The following RBFOX1 variants were observed in gnomAD, a reference collection of about 807,000 sequenced individuals.
The protein encoded by RBFOX1 is RNA binding protein fox-1 homolog 1.
RBFOX1 carries 8 observed loss-of-function variants against 57.7 expected under a neutral mutation model. The observed-to-expected ratio is 0.14, with a 90% CI of 0.08 to 0.25. The LOEUF is 0.25. Ranked by LOEUF, RBFOX1 falls within the 10% of genes least tolerant of loss-of-function variation. The pLI is 1.00. For synonymous variants in RBFOX1, 326 were observed against 222.4 expected, an observed-to-expected ratio of 1.47 and a Z score of -4.15; for missense variants, 611 against 548.5, an observed-to-expected ratio of 1.11 and a Z score of -1.14.
chr16:7,075,515 G>C (rs1196656979), intron 4 of RBFOX1, among the ~76,000 whole-genome samples: 1 of 152,022 alleles, frequency 6.6e-6, no homozygotes, highest in Non-Finnish European at 1.5e-5. Context: ...AAAACAATAA[G>C]TATTAAAAAA....
chr16:7,239,533 G>A (rs1243225983), intron 4 of RBFOX1, among the ~76,000 whole-genome samples: 2 of 152,028 alleles, frequency 1.3e-5, no homozygotes, highest in African/African-American at 4.8e-5. Flanking sequence ...GAATCGGCTG[G>A]GATGATACCT....
chr16:5,801,006 T>G (rs2055038500), intron 3 of RBFOX1, among the ~76,000 whole-genome samples: 3 of 151,954 alleles, frequency 2.0e-5, no homozygotes, highest in African/African-American at 7.3e-5. Context: ...AGACAGAGAG[T>G]GGGATCTTCT....
intron 4 of RBFOX1, among the ~76,000 whole-genome samples, chr16:5,954,396 C>T (rs1053658130): frequency 8.6e-5 from 13 of 151,858 alleles, no homozygotes; most frequent in Non-Finnish European, 1.5e-4. Flanking sequence ...GCCACCACCG[C>T]TGGACACTGC....
rs141349549 is a variant in RBFOX1 at position 7,230,389 on chromosome 16, A to G, written c.27+178291A>G. ...AGTCATGCCTCAGTTTTGGCTTAAC[A>G]TATCAGCTTCCATAGTTAACTTATT... is the stretch of plus-strand genomic sequence containing the variant. On this transcript the variant is annotated intron_variant, in intron 4 of 15. Transcript: ENST00000550418. Among the ~76,000 whole-genome samples the G allele has an allele frequency of 5.4e-3, 816 of 152,276 alleles. 13 individuals are homozygous for G. The highest frequency in any genetic ancestry group is 0.019 in the African/African-American group (777 of 41,564).
chr16:6,596,083 A>G (rs1032736793), intron 2 of RBFOX1, among the ~76,000 whole-genome samples: 1 of 151,796 alleles, frequency 6.6e-6, no homozygotes, highest in African/African-American at 2.4e-5. Flanking sequence ...TTTCCTTTTT[A>G]CTTCTTATAT....
intron 10 of RBFOX1, 131 bp downstream of exon 10, chr16:7,607,469 C>T (rs762011846): frequency 1.3e-5 from 11 of 865,078 alleles, no homozygotes; most frequent in Non-Finnish European, 1.9e-6. Context: ...TGAATGATTT[C>T]TTTGGGCAAA....
intron 3 of RBFOX1, among the ~76,000 whole-genome samples, chr16:6,683,025 C>T (rs1051332120): frequency 2.6e-5 from 4 of 152,072 alleles, no homozygotes; most frequent in African/African-American, 9.7e-5. Context: ...ACAGCTTCTC[C>T]ATCCATATGA....
chr16:5,742,783 G>C (rs1462222938), intron 3 of RBFOX1, among the ~76,000 whole-genome samples: 5 of 152,226 alleles, frequency 3.3e-5, no homozygotes, highest in African/African-American at 1.2e-4. Flanking sequence ...CTTCAAATTA[G>C]TATTAGTCCA....
At chr16:5,637,418 C>T (rs1045291861) in intron 3 of RBFOX1, among the ~76,000 whole-genome samples, 7 of 152,158 alleles carry the variant, frequency 4.6e-5, no homozygotes, top group Middle Eastern at 6.8e-3. Flanking sequence ...TGACCCATAG[C>T]GAGTGAATTG....
intron 3 of RBFOX1, among the ~76,000 whole-genome samples, chr16:6,776,915 G>C (rs2079470077): frequency 6.6e-6 from 1 of 152,188 alleles, no homozygotes; most frequent in Admixed American, 6.5e-5. Context: ...TTTTTAATGG[G>C]AAATGTACAC....
intron 3 of RBFOX1, among the ~76,000 whole-genome samples, chr16:6,825,048 A>C (rs1398519778): frequency 8.1e-6 from 1 of 123,068 alleles, no homozygotes; most frequent in African/African-American, 3.1e-5. Flanking sequence ...CCAGGCTGGA[A>C]TGCAGTGGCA....
intron 3 of RBFOX1, among the ~76,000 whole-genome samples, chr16:6,777,174 T>G (rs946686086): frequency 1.2e-5 from 1 of 82,214 alleles, no homozygotes; most frequent in Admixed American, 1.2e-4. Context: ...TAGGGTATTT[T>G]CTGAGCTTTA....
At chr16:7,048,704 C>T (rs538424684) in intron 3 of RBFOX1, among the ~76,000 whole-genome samples, 1 of 151,914 alleles carries the variant, frequency 6.6e-6, no homozygotes, top group Non-Finnish European at 1.5e-5. Flanking sequence ...AACATCTTTG[C>T]TATGTTGATG....
chr16:7,052,231 T>C (rs188458436), intron 4 of RBFOX1, 133 bp downstream of exon 4: 7 of 1,348,630 alleles, frequency 5.2e-6, no homozygotes, highest in Non-Finnish European at 6.9e-6. Flanking sequence ...TGAAAATATT[T>C]ATCCCAGCTT....
At chr16:6,981,207 T>G (rs890291868) in intron 3 of RBFOX1, among the ~76,000 whole-genome samples, 2 of 152,010 alleles carry the variant, frequency 1.3e-5, no homozygotes, top group African/African-American at 4.8e-5. Flanking sequence ...TACAGATTAT[T>G]TCATCACCCA....
chr16:5,768,550 G>A (rs975964250), intron 3 of RBFOX1, among the ~76,000 whole-genome samples: 2 of 152,146 alleles, frequency 1.3e-5, no homozygotes, highest in African/African-American at 4.8e-5. Flanking sequence ...CGGCCCACAT[G>A]ACATACCAGC....
chr16:7,195,529 C>G (rs1232258924), intron 4 of RBFOX1, among the ~76,000 whole-genome samples: 1 of 152,132 alleles, frequency 6.6e-6, no homozygotes, highest in African/African-American at 2.4e-5. Flanking sequence ...GATGCTTGCT[C>G]TTGCTCTCTT....
chr16:6,575,285 T>A (rs1484264308), intron 2 of RBFOX1, among the ~76,000 whole-genome samples: 1 of 152,192 alleles, frequency 6.6e-6, no homozygotes, highest in African/African-American at 2.4e-5. Context: ...TGATTAAGCC[T>A]ATGCATGTTG....
At position 6,860,307 on chromosome 16, in the gene RBFOX1, A is replaced by G. The variant is rs887843730; in HGVS notation, c.-15-191750A>G. 3.9e-5 allele frequency among the ~76,000 whole-genome samples: 6 copies of G among 152,314 alleles called. 1 individual carries two copies. In the South Asian group the frequency reaches 8.3e-4, roughly 21 times the overall value. Reference sequence around the variant, plus strand: ...TAATGTCTGATGACTAAATGTTCTCAGTTCTGATGGAGTCAAGTGTTTTTG... The same window carrying G: ...TAATGTCTGATGACTAAATGTTCTCGGTTCTGATGGAGTCAAGTGTTTTTG... On this transcript the variant is annotated intron_variant, in intron 3 of 15. Transcript: ENST00000550418.
Sources: allele counts gnomAD v4.1 joint callset (sites outside exome capture counted in the v4.1 genomes callset), GRCh38; gene constraint gnomAD v4.1.1; transcripts MANE v1.5; gene names NCBI Gene and HGNC (gene_info 2026-07-23, HGNC 2026-07-21).